CREB3L2: variants seen among roughly 807,000 people sequenced by gnomAD.
CREB3L2 encodes the protein cyclic AMP-responsive element-binding protein 3-like protein 2.
In CREB3L2, 23 loss-of-function variants were observed where a neutral mutation model predicts 57.2. The ratio of observed to expected loss-of-function variants is 0.40; its 90% CI spans 0.29 to 0.57. The LOEUF (loss-of-function observed/expected upper bound fraction) is 0.57. CREB3L2 is among the 20% of genes least tolerant of loss of function. The probability of loss-of-function intolerance (pLI) is 0.42; values close to 1 mark genes in which losing one functional copy is unlikely to be tolerated. For synonymous variants in CREB3L2, 268 were observed against 265.1 expected (o/e 1.01, Z -0.11); for missense variants, 628 against 634.7 (o/e 0.99, Z 0.11).
chr7:137,903,206 C>T (rs1799801349), intron 7 of CREB3L2, among the ~76,000 whole-genome samples: 1 of 152,120 alleles, frequency 6.6e-6, no homozygotes, highest in South Asian at 2.1e-4. Context: ...ATACTTAATG[C>T]TGCATTACCA....
chr7:137,916,240 A>G (rs1800130104), intron 2 of CREB3L2, among the ~76,000 whole-genome samples: 1 of 152,230 alleles, frequency 6.6e-6, no homozygotes, highest in Non-Finnish European at 1.5e-5. Flanking sequence ...AAACTCTGGA[A>G]GGAATCCATA....
intron 5 of CREB3L2, among the ~76,000 whole-genome samples, chr7:137,906,845 C>T (rs1799900125): frequency 6.6e-6 from 1 of 152,240 alleles, no homozygotes; most frequent in South Asian, 2.1e-4. Context: ...TAAGACATGA[C>T]TTGCTCCTCC....
intron 8 of CREB3L2, among the ~76,000 whole-genome samples, chr7:137,900,461 C>A (rs1176704790): frequency 6.6e-6 from 1 of 152,118 alleles, no homozygotes; most frequent in Non-Finnish European, 1.5e-5. Context: ...GTTTGAAATG[C>A]AATTAATAAA....
At chr7:137,927,406 G>GGAA (rs1366961088) in intron 2 of CREB3L2, among the ~76,000 whole-genome samples, 3 of 128,898 alleles carry the variant, frequency 2.3e-5, no homozygotes, top group African/African-American at 8.1e-5. Context: ...AGGGAAGGAA[G>GGAA]GGAAGGGAAG....
chr7:137,900,720 C>T (rs1351596396), intron 8 of CREB3L2, among the ~76,000 whole-genome samples: 2 of 151,900 alleles, frequency 1.3e-5, no homozygotes, highest in African/African-American at 2.4e-5. Flanking sequence ...AGGAGAATCA[C>T]TTGAACCCGG....
chr7:137,913,744 C>T (rs1408490927), intron 3 of CREB3L2, among the ~76,000 whole-genome samples: 1 of 152,000 alleles, frequency 6.6e-6, no homozygotes, highest in Non-Finnish European at 1.5e-5. Flanking sequence ...ACTGCTTCCA[C>T]TCCCCCTATC....
chr7:137,971,254 T>A (rs1398366234), intron 1 of CREB3L2, among the ~76,000 whole-genome samples: 1 of 152,026 alleles, frequency 6.6e-6, no homozygotes, highest in African/African-American at 2.4e-5. Flanking sequence ...ATGGAGACCA[T>A]CCTGGCTAAC....
intron 1 of CREB3L2, among the ~76,000 whole-genome samples, chr7:137,962,030 T>C (rs1033629335): frequency 2.0e-5 from 3 of 152,140 alleles, no homozygotes; most frequent in African/African-American, 7.2e-5. Context: ...TCCACGCGCC[T>C]GCTCTGCTCT....
At position 137,878,279 on chromosome 7, in the gene CREB3L2, G is replaced by A. The variant is rs567365121; in HGVS notation, c.*2197C>T. The A allele has an allele frequency of 2.1e-5, 5 of 232,768 alleles. No individual in the cohort carries two copies. Among genetic ancestry groups the A allele is most frequent in the Non-Finnish European group, 3.4e-5 (4 of 117,822 alleles). 14.4% of individuals were successfully genotyped at this position (232,768 alleles called of 1,614,324 possible). On this transcript the variant is annotated 3_prime_UTR_variant, in exon 12 of 12. Coordinates refer to ENST00000330387, the MANE Select transcript of CREB3L2 (RefSeq NM_194071.4). ...CTGGGAGCCTTGAAAACCCAGTCTG[G>A]TTCAGTTGCAGCAGGTACATGGGTT...
chr7:137,919,871 A>C (rs1200288731), intron 2 of CREB3L2, among the ~76,000 whole-genome samples: 1 of 152,264 alleles, frequency 6.6e-6, no homozygotes, highest in East Asian at 1.9e-4. Flanking sequence ...TATGCCAAAT[A>C]GTAAGCATCT....
chr7:137,892,419 G>A (rs139689092), intron 8 of CREB3L2, among the ~76,000 whole-genome samples: 2,083 of 151,972 alleles, frequency 0.014, 59 homozygotes, highest in African/African-American at 0.049. Flanking sequence ...GGGAGGCTGA[G>A]GTGAGCGGAT....
At chr7:137,901,232 C>G (rs1799747913) in intron 8 of CREB3L2, 122 bp downstream of exon 8, 2 of 681,788 alleles carry the variant, frequency 2.9e-6, no homozygotes, top group South Asian at 3.5e-5. Flanking sequence ...AGCATCTCAG[C>G]ACAACTGCAC....
chr7:137,963,490 C>T (rs1023697744), intron 1 of CREB3L2, among the ~76,000 whole-genome samples: 4 of 152,218 alleles, frequency 2.6e-5, no homozygotes, highest in Admixed American at 6.5e-5. Flanking sequence ...CTAAGGTAAA[C>T]ATCAATCTTT....
Position 137,910,422 on chromosome 7 carries a change from C to T in CREB3L2, c.584-1986G>A, listed in dbSNP as rs112144684. ...GAATATGCTAAAATAATCCTAATCG[C>T]GCTATTCCCACTACTGCCACAGGTG... is the stretch of plus-strand genomic sequence containing the variant. On this transcript the variant is annotated intron_variant, in intron 4 of 11. Coordinates refer to ENST00000330387, the MANE Select transcript of CREB3L2 (RefSeq NM_194071.4). Among the ~76,000 whole-genome samples the T allele has an allele frequency of 4.6e-5, 7 of 152,192 alleles. 1 individual carries two copies. Among genetic ancestry groups the T allele is most frequent in the African/African-American group, 1.2e-4 (5 of 41,506 alleles).
intron 1 of CREB3L2, among the ~76,000 whole-genome samples, chr7:137,934,759 T>C (rs1335340313): frequency 6.6e-6 from 1 of 152,248 alleles, no homozygotes; most frequent in African/African-American, 2.4e-5. Context: ...GAGATACTTA[T>C]TCGGCCTTAA....
At chr7:137,969,440 G>A (rs567370761) in intron 1 of CREB3L2, among the ~76,000 whole-genome samples, 4 of 148,826 alleles carry the variant, frequency 2.7e-5, no homozygotes, top group Non-Finnish European at 4.4e-5. Context: ...TTCGCCTCCC[G>A]GGTTCATGCC....
At chr7:137,981,352 G>T (rs906058106) in intron 1 of CREB3L2, among the ~76,000 whole-genome samples, 2 of 152,166 alleles carry the variant, frequency 1.3e-5, no homozygotes, top group African/African-American at 4.8e-5. Flanking sequence ...TTCTATGAGG[G>T]CCTGTGCTTT....
At chr7:137,955,993 A>G (rs1350406538) in intron 1 of CREB3L2, among the ~76,000 whole-genome samples, 1 of 152,196 alleles carries the variant, frequency 6.6e-6, no homozygotes, top group East Asian at 1.9e-4. Context: ...GTACCTTTCA[A>G]TCACTTGAAA....
chr7:137,882,675 G>A (rs1397809214), intron 10 of CREB3L2, 47 bp from the exon 11 acceptor site: 1 of 1,340,808 alleles, frequency 7.5e-7, no homozygotes, highest in Admixed American at 2.2e-5. Flanking sequence ...GACCACAGGG[G>A]TCCAACACAT....
Sources: allele counts gnomAD v4.1 joint callset (sites outside exome capture counted in the v4.1 genomes callset), GRCh38; gene constraint gnomAD v4.1.1; transcripts MANE v1.5; gene names NCBI Gene and HGNC (gene_info 2026-07-23, HGNC 2026-07-21).